Variants in JARID2 observed in about 807,000 individuals in gnomAD.
JARID2 encodes jumonji and AT-rich interaction domain containing 2.
Under a neutral mutation model 125.6 loss-of-function variants are expected in JARID2, and 21 were observed. The ratio of observed to expected loss-of-function variants is 0.17; its 90% confidence interval spans 0.12 to 0.24. The LOEUF is 0.24. Among genes scored for constraint, JARID2 ranks in the 10% least tolerant of loss-of-function variants. The probability of loss-of-function intolerance (pLI) is 1.00; values close to 1 mark genes in which losing one functional copy is unlikely to be tolerated. For synonymous variants in JARID2, 736 were observed against 661.6 expected (o/e 1.11, Z -1.73); for missense variants, 1,303 against 1,639.6 (o/e 0.79, Z 3.55).
chr6:15,439,683 G>C (rs1767364459), intron 3 of JARID2, among the ~76,000 whole-genome samples: 1 of 152,234 alleles, frequency 6.6e-6, no homozygotes, highest in Non-Finnish European at 1.5e-5. Flanking sequence ...CTGTTTAAGA[G>C]ATTGGACTTC....
chr6:15,473,403 C>T (rs762645080), intron 5 of JARID2, among the ~76,000 whole-genome samples: 13 of 149,954 alleles, frequency 8.7e-5, no homozygotes, highest in Admixed American at 2.0e-4. Flanking sequence ...CAGGTCTTTA[C>T]GTGTGTTTCT....
chr6:15,482,233 C>A (rs541512703), intron 5 of JARID2, among the ~76,000 whole-genome samples: 1 of 152,216 alleles, frequency 6.6e-6, no homozygotes, highest in African/African-American at 2.4e-5. Context: ...TTCTTGAAAT[C>A]ATCATGTAAG....
intron 1 of JARID2, among the ~76,000 whole-genome samples, chr6:15,361,943 T>C (rs1028828593): frequency 2.3e-4 from 33 of 145,832 alleles, no homozygotes; most frequent in Non-Finnish European, 3.6e-4. Flanking sequence ...TCTCCCAGGC[T>C]GGAGTGCAGT....
chr6:15,285,107 T>TTTTTTTTTTG (rs1760945311), intron 1 of JARID2, among the ~76,000 whole-genome samples: 3 of 65,506 alleles, frequency 4.6e-5, no homozygotes, highest in African/African-American at 2.6e-4. Flanking sequence ...TCTTTCTGGG[T>TTTTTTTTTTG]TTTTTTTTTT....
chr6:15,374,619 T>C (rs1764285909), intron 2 of JARID2, among the ~76,000 whole-genome samples: 1 of 152,222 alleles, frequency 6.6e-6, no homozygotes, highest in Admixed American at 6.5e-5. Context: ...CCTAAATCTT[T>C]CTGTCTACTG....
At chr6:15,274,432 G>C (rs916039975) in intron 1 of JARID2, among the ~76,000 whole-genome samples, 3 of 152,128 alleles carry the variant, frequency 2.0e-5, no homozygotes, top group Admixed American at 2.0e-4. Flanking sequence ...ACATTTATAT[G>C]CATTATTTAG....
At chr6:15,442,278 T>G (rs1274523264) in intron 3 of JARID2, among the ~76,000 whole-genome samples, 1 of 152,192 alleles carries the variant, frequency 6.6e-6, no homozygotes, top group East Asian at 1.9e-4. Context: ...TTTTAAAAAC[T>G]AAATAGGGAA....
chr6:15,351,301 A>C (rs764659493), intron 1 of JARID2, among the ~76,000 whole-genome samples: 32 of 152,106 alleles, frequency 2.1e-4, no homozygotes, highest in Non-Finnish European at 4.4e-4. Flanking sequence ...GGTGAATATG[A>C]GTGAGTGAGG....
intron 1 of JARID2, among the ~76,000 whole-genome samples, chr6:15,278,533 C>T (rs1013858037): frequency 1.3e-5 from 2 of 152,036 alleles, no homozygotes; most frequent in African/African-American, 2.4e-5. Flanking sequence ...TTGCAGTGAG[C>T]CGAGATCGCG....
intron 5 of JARID2, among the ~76,000 whole-genome samples, chr6:15,478,109 C>T (rs1431520101): frequency 6.6e-6 from 1 of 152,210 alleles, no homozygotes; most frequent in East Asian, 1.9e-4. Flanking sequence ...TATAGGCACA[C>T]ACTTCGGGAT....
chr6:15,395,335 G>A (rs1408474446), intron 2 of JARID2, among the ~76,000 whole-genome samples: 2 of 151,998 alleles, frequency 1.3e-5, no homozygotes, highest in Non-Finnish European at 2.9e-5. Context: ...TGCTCTTGTC[G>A]CCCAGGCTGG....
chr6:15,327,927 G>A (rs550253038), intron 1 of JARID2, among the ~76,000 whole-genome samples: 6 of 152,116 alleles, frequency 3.9e-5, no homozygotes, highest in East Asian at 1.9e-4. Context: ...TGTGCACCTC[G>A]TTTGTATTTG....
At chr6:15,451,808 T>A (rs1767933006) in intron 3 of JARID2, among the ~76,000 whole-genome samples, 198 bp from the exon 4 acceptor site, 1 of 152,182 alleles carries the variant, frequency 6.6e-6, no homozygotes, top group Admixed American at 6.5e-5. Context: ...CAAAACATAG[T>A]CCTTTAACCA....
chr6:15,500,783 C>A, intron 7 of JARID2, 124 bp from the exon 8 acceptor site: 1 of 817,326 alleles, frequency 1.2e-6, no homozygotes, highest in Non-Finnish European at 2.0e-6. Flanking sequence ...TCACCACTCT[C>A]ACCCCAGAGC....
Position 15,404,990 on chromosome 6 carries a change from T to TC in JARID2, c.182-5234_182-5233insC, listed in dbSNP as rs1765590772. ...ACTACATGCTCTAGTCCCTTTTTTT[T>TC]TCCAGATATTAGAAAAGAGTTGTCT... On this transcript the variant is annotated intron_variant, in intron 2 of 17. Coordinates refer to ENST00000341776, the MANE Select transcript of JARID2 (RefSeq NM_004973.4). 5.3e-5 allele frequency among the ~76,000 whole-genome samples: 8 copies of TC among 152,342 alleles called. No individual in the cohort carries two copies. The South Asian group carries it at 1.7e-3, about 32-fold the overall frequency.
chr6:15,299,968 C>G (rs749165675), intron 1 of JARID2, among the ~76,000 whole-genome samples: 15 of 152,238 alleles, frequency 9.9e-5, no homozygotes, highest in South Asian at 4.1e-4. Flanking sequence ...ATGTGGGATT[C>G]TGCATATCTC....
At chr6:15,249,821 G>A (rs2295954) in intron 1 of JARID2, among the ~76,000 whole-genome samples, 11,683 of 152,262 alleles carry the variant, frequency 0.077, 476 homozygotes, top group Admixed American at 0.12. Flanking sequence ...ATAAGTTGCA[G>A]TGTAATCCTG....
intron 3 of JARID2, among the ~76,000 whole-genome samples, chr6:15,434,462 T>A (rs1767117938): frequency 1.3e-5 from 2 of 152,154 alleles, no homozygotes; most frequent in Non-Finnish European, 2.9e-5. Flanking sequence ...TCAGCTGTCA[T>A]CTTTGTTTAT....
intron 1 of JARID2, among the ~76,000 whole-genome samples, chr6:15,254,457 G>A (rs1035131593): frequency 2.0e-5 from 3 of 152,132 alleles, no homozygotes; most frequent in African/African-American, 7.2e-5. Context: ...TTAAACAAAG[G>A]CTGTCCAGAT....
Sources: gnomAD v4.1 joint callset for allele counts (sites outside exome capture counted in the v4.1 genomes callset) on GRCh38, gnomAD v4.1.1 for gene constraint, MANE v1.5 for transcripts, NCBI Gene and HGNC (gene_info 2026-07-23, HGNC 2026-07-21) for gene names.